FKBP5: variants seen among roughly 807,000 people sequenced by gnomAD.
FKBP5 encodes FKBP prolyl isomerase 5.
In FKBP5, 23 loss-of-function variants were observed where a neutral mutation model predicts 50.5. The ratio of observed to expected loss-of-function variants is 0.46; its 90% CI spans 0.33 to 0.65. The LOEUF (loss-of-function observed/expected upper bound fraction) is 0.65. FKBP5 is among the 30% of genes least tolerant of loss of function. The probability of loss-of-function intolerance (pLI) is 0.02; values close to 1 mark genes in which losing one functional copy is unlikely to be tolerated. For missense variants in FKBP5, 411 were observed against 553.1 expected, an observed-to-expected ratio of 0.74 and a Z score of 2.58; for synonymous variants, 176 against 190.6, an observed-to-expected ratio of 0.92 and a Z score of 0.63.
intron 2 of FKBP5, among the ~76,000 whole-genome samples, chr6:35,639,953 T>C (rs1764430864): frequency 6.6e-6 from 1 of 152,236 alleles, no homozygotes; most frequent in African/African-American, 2.4e-5. Context: ...GAAATAACTA[T>C]TTAATGTGAC....
In FKBP5 at chr6:35,615,636, A is replaced by C. The variant is rs148700427; in HGVS notation, c.508+3460T>G. Among the ~76,000 whole-genome samples the C allele has an allele frequency of 3.2e-4, 49 of 152,352 alleles. 1 individual carries two copies. In the East Asian group the frequency reaches 9.1e-3, roughly 28 times the overall value. On this transcript the variant is annotated intron_variant, in intron 5 of 10. Coordinates refer to ENST00000357266, the MANE Select transcript of FKBP5 (RefSeq NM_004117.4). ...ACTGAATAAATATACAGTAGGATTC[A>C]AATTAATGTAGAGAGAATAACAGCA...
At chr6:35,610,591 A>AAG (rs71002577) in intron 5 of FKBP5, among the ~76,000 whole-genome samples, 10 of 147,970 alleles carry the variant, frequency 6.8e-5, no homozygotes, top group African/African-American at 1.2e-4. Flanking sequence ...AAAAAAAAAA[A>AAG]GTTTCAAAAA....
intron 7 of FKBP5, among the ~76,000 whole-genome samples, chr6:35,589,130 T>TATATA (rs1561846638): frequency 3.5e-5 from 4 of 112,948 alleles, no homozygotes; most frequent in South Asian, 4.9e-4. Context: ...ATATATATAT[T>TATATA]TTTTTTTTTT....
intron 2 of FKBP5, among the ~76,000 whole-genome samples, chr6:35,718,299 C>T (rs368051655): frequency 1.1e-4 from 17 of 152,276 alleles, no homozygotes; most frequent in African/African-American, 3.9e-4. Context: ...AGCTGCCTCC[C>T]GCATGTTCAT....
rs1382876337 is a variant in FKBP5, at chr6:35,658,569, G to A, written c.-19-15726C>T. Among the ~76,000 whole-genome samples the A allele has an allele frequency of 6.6e-5, 10 of 152,198 alleles. No homozygotes were observed. The East Asian group carries it at 1.9e-3, about 29-fold the overall frequency. Reference sequence around the variant, plus strand: ...AGTTCCCTTATTTTCCTAGTTTGCTGAGTTTTCATCAGCAAGGCATGTTAA... The same window carrying A: ...AGTTCCCTTATTTTCCTAGTTTGCTAAGTTTTCATCAGCAAGGCATGTTAA... On this transcript the variant is annotated intron_variant, in intron 1 of 10. Coordinates refer to ENST00000357266, the MANE Select transcript of FKBP5 (RefSeq NM_004117.4).
intron 5 of FKBP5, among the ~76,000 whole-genome samples, chr6:35,602,970 G>A (rs1373626198): frequency 6.6e-6 from 1 of 152,152 alleles, no homozygotes; most frequent in Non-Finnish European, 1.5e-5. Flanking sequence ...TAGCACTTGA[G>A]TTAGACCTGG....
chr6:35,722,940 A>G (rs1421232076), intron 1 of FKBP5, among the ~76,000 whole-genome samples: 1 of 152,116 alleles, frequency 6.6e-6, no homozygotes, highest in Non-Finnish European at 1.5e-5. Context: ...TGCTTAATCA[A>G]TGCTCAGGCA....
intron 5 of FKBP5, among the ~76,000 whole-genome samples, chr6:35,600,544 A>T (rs75032397): frequency 8.0e-5 from 1 of 12,550 alleles, no homozygotes; most frequent in Non-Finnish European, 1.9e-4. Context: ...CACTTTTCAT[A>T]AAAAAAAAAA....
intron 1 of FKBP5, among the ~76,000 whole-genome samples, chr6:35,664,973 C>T (rs1037916499): frequency 2.6e-5 from 4 of 152,186 alleles, no homozygotes. Flanking sequence ...TTTTTCTCCA[C>T]TTAATCAATA....
At chr6:35,589,148 A>G (rs1374576370) in intron 7 of FKBP5, among the ~76,000 whole-genome samples, 13 of 131,264 alleles carry the variant, frequency 9.9e-5, no homozygotes, top group South Asian at 2.3e-4. Flanking sequence ...TTTTCCTCTG[A>G]GACGGAGTCT....
chr6:35,580,462 C>A, intron 8 of FKBP5: 1 of 390,574 alleles, frequency 2.6e-6, no homozygotes, highest in Non-Finnish European at 4.5e-6. Flanking sequence ...TCCATCCGTC[C>A]CTTCAGCAGG....
rs11963207 is a variant in FKBP5, at chr6:35,650,817, C to T, written c.-19-7974G>A. Among the ~76,000 whole-genome samples the T allele has an allele frequency of 7.1e-3, 1,078 of 152,290 alleles. 12 individuals carry two copies. Among genetic ancestry groups the T allele is most frequent in the African/African-American group, 0.022 (932 of 41,564 alleles). On this transcript the variant is annotated intron_variant, in intron 1 of 10. Transcript: ENST00000357266. ...TACCAATATATTTGCAGCCACCAACCATGGTTCCCAGTTGTTTGTAGATTT... is the reference window on the plus strand; with the variant it reads ...TACCAATATATTTGCAGCCACCAACTATGGTTCCCAGTTGTTTGTAGATTT...
At chr6:35,615,321 T>G (rs1763617877) in intron 5 of FKBP5, among the ~76,000 whole-genome samples, 1 of 152,132 alleles carries the variant, frequency 6.6e-6, no homozygotes, top group Non-Finnish European at 1.5e-5. Flanking sequence ...ACTCAGATCT[T>G]GGTTTCTAAA....
chr6:35,672,030 A>T (rs142423206), intron 1 of FKBP5, among the ~76,000 whole-genome samples: 1 of 152,028 alleles, frequency 6.6e-6, no homozygotes, highest in Admixed American at 6.6e-5. Flanking sequence ...CACCACGCCC[A>T]GCTAATTTTT....
At chr6:35,693,363 C>T (rs1271906046), upstream of FKBP5, among the ~76,000 whole-genome samples, 6 of 151,672 alleles carry the variant, frequency 4.0e-5, no homozygotes, top group Admixed American at 3.9e-4. Context: ...CGGGGTTTCA[C>T]CATGTTAGCC....
Position 35,673,770 on chromosome 6 carries a change from G to A in FKBP5, c.-20+15034C>T, listed in dbSNP as rs796482422. ...GTTGAATTATTATCATATAGTTCCT[G>A]GTAATAAAACTATTTTTTGTCTTGG... is the stretch of plus-strand genomic sequence containing the variant. On this transcript the variant is annotated intron_variant, in intron 1 of 10. Coordinates refer to ENST00000357266, the MANE Select transcript of FKBP5 (RefSeq NM_004117.4). 2.0e-5 allele frequency among the ~76,000 whole-genome samples: 3 copies of A among 152,064 alleles called. 1 individual carries two copies. The highest frequency in any genetic ancestry group is 7.2e-5 in the African/African-American group (3 of 41,476).
At chr6:35,715,932 C>A (rs1277662367) in intron 2 of FKBP5, among the ~76,000 whole-genome samples, 3 of 152,066 alleles carry the variant, frequency 2.0e-5, no homozygotes, top group Non-Finnish European at 4.4e-5. Context: ...AATGCCAAGG[C>A]AGTGGTGGTG....
chr6:35,673,690 G>C (rs1211243769), intron 1 of FKBP5, among the ~76,000 whole-genome samples: 1 of 152,178 alleles, frequency 6.6e-6, no homozygotes, highest in Non-Finnish European at 1.5e-5. Context: ...TTGGTTTTAA[G>C]TATTAAGAAT....
At chr6:35,606,856 T>C (rs1028291029) in intron 5 of FKBP5, among the ~76,000 whole-genome samples, 3 of 152,118 alleles carry the variant, frequency 2.0e-5, no homozygotes, top group African/African-American at 4.8e-5. Context: ...ATCCCATTAC[T>C]GGGTATACAA....
Sources: allele counts gnomAD v4.1 joint callset (sites outside exome capture counted in the v4.1 genomes callset), GRCh38; gene constraint gnomAD v4.1.1; transcripts MANE v1.5; gene names NCBI Gene and HGNC (gene_info 2026-07-23, HGNC 2026-07-21).